SYT13: variants seen among roughly 807,000 people sequenced by gnomAD.
The protein encoded by SYT13 is synaptotagmin-13.
A neutral mutation model predicts 38.6 loss-of-function variants in SYT13; 21 were observed. The observed-to-expected ratio is 0.54, with a 90% CI of 0.39 to 0.78. The LOEUF (loss-of-function observed/expected upper bound fraction) is 0.78. Ranked by LOEUF, SYT13 falls within the 30% of genes least tolerant of loss-of-function variation. SYT13 has a pLI of 0.00. For missense variants in SYT13, 495 were observed against 548.7 expected (o/e 0.90, Z 0.98); for synonymous variants, 241 against 237.6 (o/e 1.01, Z -0.13).
At chr11:45,277,653 C>A (rs980326480) in intron 1 of SYT13, among the ~76,000 whole-genome samples, 1 of 152,154 alleles carries the variant, frequency 6.6e-6, no homozygotes, top group South Asian at 2.1e-4. Flanking sequence ...GCCACAGGAC[C>A]TTTGCACAGG....
intron 1 of SYT13, among the ~76,000 whole-genome samples, chr11:45,262,834 TA>T (rs897136812): frequency 1.3e-4 from 19 of 147,590 alleles, no homozygotes; most frequent in Non-Finnish European, 1.8e-4. Context: ...TTTACCATAA[TA>T]AAAAAAAAGA....
chr11:45,241,787 C>G lies in SYT13; in HGVS notation c.*2265G>C. On this transcript the variant is annotated 3_prime_UTR_variant, in exon 6 of 6. Transcript: ENST00000020926. ...GAAATGTTTTGTTTTCTTTTACCCA[C>G]ACCAACCAAAGAGAAGAAACCAGTA... is the stretch of plus-strand genomic sequence containing the variant. 1 of 152,176 alleles carries G rather than the reference C, an allele frequency of 6.6e-6. No homozygotes were observed. Among genetic ancestry groups the G allele is most frequent in the Non-Finnish European group, 1.5e-5 (1 of 68,032 alleles). 9.4% of individuals were successfully genotyped at this position (152,176 alleles called of 1,614,324 possible). A position where few individuals can be genotyped will look rare whatever the true frequency, so the allele number is the denominator to read the frequency against.
intron 1 of SYT13, among the ~76,000 whole-genome samples, chr11:45,261,589 T>C (rs1854817018): frequency 7.8e-6 from 1 of 127,772 alleles, no homozygotes; most frequent in Non-Finnish European, 1.7e-5. Context: ...AGAGCGAGAC[T>C]CCGTCTAAAA....
chr11:45,247,899 G>A (rs916795325), intron 4 of SYT13, among the ~76,000 whole-genome samples: 14 of 152,154 alleles, frequency 9.2e-5, no homozygotes, highest in African/African-American at 3.4e-4. Flanking sequence ...AGATATCAGA[G>A]GATGAAGTGA....
intron 1 of SYT13, among the ~76,000 whole-genome samples, chr11:45,280,210 A>T (rs1419696317): frequency 1.3e-5 from 2 of 152,350 alleles, no homozygotes; most frequent in East Asian, 3.9e-4. Flanking sequence ...GTTGCTCTAG[A>T]GGACTAAGGA....
At chr11:45,269,123 GT>G (rs1854918869) in intron 1 of SYT13, among the ~76,000 whole-genome samples, 1 of 152,100 alleles carries the variant, frequency 6.6e-6, no homozygotes, top group African/African-American at 2.4e-5. Context: ...CTGACTTTGG[GT>G]TGGGCACCCT....
chr11:45,283,919 C>G (rs1855104216), intron 1 of SYT13, among the ~76,000 whole-genome samples: 1 of 152,114 alleles, frequency 6.6e-6, no homozygotes, highest in African/African-American at 2.4e-5. Context: ...AAGATTGCAT[C>G]CTAATGTAAA....
In SYT13 at chr11:45,244,047, G is replaced by T. The variant is rs142076217; in HGVS notation, c.*5C>A. 5.0e-6 allele frequency: 8 copies of T among 1,588,946 alleles called. No individual in the cohort carries two copies. The African/African-American group carries it at 9.4e-5, about 19-fold the overall frequency. On this transcript the variant is annotated 3_prime_UTR_variant, in exon 6 of 6. Coordinates refer to ENST00000020926, the MANE Select transcript of SYT13 (RefSeq NM_020826.3). ...GTCCAAGAAGGGAGGCAGCTGGGCA[G>T]CTGGTTACAGGTGCAGCTGGTGCCA...
chr11:45,282,678 A>C (rs1051317592), intron 1 of SYT13, among the ~76,000 whole-genome samples: 1 of 152,250 alleles, frequency 6.6e-6, no homozygotes, highest in Non-Finnish European at 1.5e-5. Flanking sequence ...CCTTGGGGAC[A>C]AAGTCACAGG....
chr11:45,263,874 G>A (rs1854849367), intron 1 of SYT13, among the ~76,000 whole-genome samples: 1 of 152,108 alleles, frequency 6.6e-6, no homozygotes, highest in African/African-American at 2.4e-5. Flanking sequence ...CTGTAAAATG[G>A]GGATGCTAAC....
intron 1 of SYT13, among the ~76,000 whole-genome samples, chr11:45,264,989 G>A (rs1317405388): frequency 1.3e-5 from 2 of 152,144 alleles, no homozygotes; most frequent in African/African-American, 2.4e-5. Context: ...CCACTCCCAC[G>A]TATTTATCCA....
At chr11:45,278,982 C>G (rs953864958) in intron 1 of SYT13, among the ~76,000 whole-genome samples, 1 of 152,170 alleles carries the variant, frequency 6.6e-6, no homozygotes, top group African/African-American at 2.4e-5. Context: ...AGTGTGATGG[C>G]GGCAGCAAAG....
At position 45,254,411 on chromosome 11, in the gene SYT13, A is replaced by T. The variant is rs1278175622; in HGVS notation, c.410-7T>A. 1 of 1,610,468 alleles carries T rather than the reference A, an allele frequency of 6.2e-7. No individual in the cohort carries two copies. The highest frequency in any genetic ancestry group is 1.1e-5 in the South Asian group (1 of 90,126). Reference sequence around the variant, plus strand: ...CAGACATCCTCCACCACACCTGTTAAGAAAGTCGAAATCGTCACTGCCACC... The same window carrying T: ...CAGACATCCTCCACCACACCTGTTATGAAAGTCGAAATCGTCACTGCCACC... On this transcript the variant is annotated splice_region_variant and splice_polypyrimidine_tract_variant and intron_variant, in intron 2 of 5. Coordinates refer to ENST00000020926, the MANE Select transcript of SYT13 (RefSeq NM_020826.3).
At chr11:45,258,730 TGA>T (rs1205853901) in intron 1 of SYT13, among the ~76,000 whole-genome samples, 1 of 152,098 alleles carries the variant, frequency 6.6e-6, no homozygotes, top group Non-Finnish European at 1.5e-5. Context: ...AGGGCATGAC[TGA>T]GACCTTGAAA....
At chr11:45,246,286 T>C in intron 5 of SYT13, 97 bp downstream of exon 5, 3 of 1,530,736 alleles carry the variant, frequency 2.0e-6, no homozygotes, top group Non-Finnish European at 2.6e-6. Flanking sequence ...TCCACCTCCC[T>C]GCTTACCTGT....
At chr11:45,272,803 G>A (rs1044959641) in intron 1 of SYT13, among the ~76,000 whole-genome samples, 3 of 152,158 alleles carry the variant, frequency 2.0e-5, no homozygotes, top group African/African-American at 7.2e-5. Context: ...GTGTCTGTTT[G>A]GCAAGCAGAT....
chr11:45,277,825 C>A (rs11038376), intron 1 of SYT13, among the ~76,000 whole-genome samples: 12,139 of 152,158 alleles, frequency 0.08, 1,264 homozygotes, highest in African/African-American at 0.24. Context: ...AGCAACAGAA[C>A]CTTCTGTTCA....
At position 45,252,288 on chromosome 11, in the gene SYT13, C is replaced by T; in HGVS notation, c.846+133G>A. 2.7e-6 allele frequency: 3 copies of T among 1,113,354 alleles called. No individual in the cohort carries two copies. Among genetic ancestry groups the T allele is most frequent in the Non-Finnish European group, 3.8e-6 (3 of 791,226 alleles). 69.0% of individuals were successfully genotyped at this position (1,113,354 alleles called of 1,614,324 possible). ...CCTCTGCCCCATTCAAGATTCCAAC[C>T]TCCCTTCCAGCCCCAAGCCAGGGAG... is the stretch of plus-strand genomic sequence containing the variant. On this transcript the variant is annotated intron_variant, in intron 4 of 5. Transcript: ENST00000020926. The surrounding 1 kb of genome is among the most constrained non-coding windows in gnomAD (Gnocchi z 4.3).
intron 1 of SYT13, among the ~76,000 whole-genome samples, chr11:45,269,224 G>A (rs775895251): frequency 1.5e-4 from 23 of 152,258 alleles, no homozygotes; most frequent in Middle Eastern, 3.4e-3. Context: ...CAGTCAGTCC[G>A]CAGGTGCAAT....
Sources: allele counts gnomAD v4.1 joint callset (sites outside exome capture counted in the v4.1 genomes callset), GRCh38; gene constraint gnomAD v4.1.1; non-coding constraint Gnocchi (gnomAD v3.1); transcripts MANE v1.5; gene names NCBI Gene and HGNC (gene_info 2026-07-23, HGNC 2026-07-21).